Variants in KAZN observed in about 807,000 individuals in gnomAD.
KAZN encodes the protein kazrin, periplakin interacting protein, also known as kazrin.
Under a neutral mutation model 87.4 loss-of-function variants are expected in KAZN, and 40 were observed. The observed-to-expected ratio is 0.46, with a 90% confidence interval of 0.36 to 0.60. The LOEUF is 0.60. Ranked by LOEUF, KAZN falls within the 20% of genes least tolerant of loss-of-function variation. The pLI is 0.00. For synonymous variants in KAZN, 466 were observed against 458.3 expected (o/e 1.02, Z -0.22); for missense variants, 898 against 1,073.9 (o/e 0.84, Z 2.29).
intron 2 of KAZN, among the ~76,000 whole-genome samples, chr1:14,361,792 G>T (rs1432907173): frequency 2.6e-5 from 4 of 152,218 alleles, no homozygotes; most frequent in Non-Finnish European, 5.9e-5. Flanking sequence ...CTTCTGGATT[G>T]ATCTCACTGG....
chr1:14,304,027 T>C (rs949020988), intron 2 of KAZN, among the ~76,000 whole-genome samples: 1 of 152,192 alleles, frequency 6.6e-6, no homozygotes, highest in Admixed American at 6.5e-5. Flanking sequence ...GCTAAATAGC[T>C]CTTACCTTAC....
chr1:14,993,773 G>T lies in KAZN; in HGVS notation c.418+32898G>T, dbSNP rs149587930. 7.9e-3 allele frequency among the ~76,000 whole-genome samples: 1,197 copies of T among 152,252 alleles called. 21 individuals are homozygous for T. Among genetic ancestry groups the T allele is most frequent in the African/African-American group, 0.026 (1,090 of 41,562 alleles). On this transcript the variant is annotated intron_variant, in intron 2 of 14. Coordinates refer to ENST00000376030, the MANE Select transcript of KAZN (RefSeq NM_201628.3). ...GTGTTCGTTGAGTCTTATGAGAGAG[G>T]GGTCACAAGCCCACACGTAAGTAAT...
rs542201280 is a variant in KAZN at position 14,130,059 on chromosome 1, C to T, written c.92-50376C>T. 5.9e-5 allele frequency among the ~76,000 whole-genome samples: 9 copies of T among 152,356 alleles called. No individual in the cohort carries two copies. In the South Asian group the frequency reaches 1.7e-3, roughly 28 times the overall value. On this transcript the variant is annotated intron_variant, in intron 1 of 16. Transcript: ENST00000636203. ...AAGATTCAGAAACCCTAATCAATTA[C>T]ATTTTACAACAGTCAGTAAGTCTGT...
Position 14,055,799 on chromosome 1 carries a change from A to ACTCT in KAZN, c.92-124636_92-124635insCTCT. Among the ~76,000 whole-genome samples the ACTCT allele has an allele frequency of 2.6e-5, 4 of 152,320 alleles. 2 individuals carry two copies. The highest frequency in any genetic ancestry group is 9.6e-5 in the African/African-American group (4 of 41,550). ...GTCCACAGAGCAAAGGAAAATGAATATTATTGTTTACAACAGAAAAATCAG... is the reference window on the plus strand; with the variant it reads ...GTCCACAGAGCAAAGGAAAATGAATACTCTTTATTGTTTACAACAGAAAAATCAG... On this transcript the variant is annotated intron_variant, in intron 1 of 16. Transcript: ENST00000636203.
intron 2 of KAZN, among the ~76,000 whole-genome samples, chr1:15,019,578 AG>A: frequency 6.6e-6 from 1 of 152,158 alleles, no homozygotes; most frequent in South Asian, 2.1e-4. Context: ...TAGTAGAGAC[AG>A]GGTTTCGCCA....
Position 14,923,984 on chromosome 1 carries a change from G to C in KAZN, c.227-36700G>C, listed in dbSNP as rs573944710. Reference sequence around the variant, plus strand: ...GGGGATGCACCGAGTGGCGGGGGCCGGGCGCACAACGGGGCGACGCGGCGG... The same window carrying C: ...GGGGATGCACCGAGTGGCGGGGGCCCGGCGCACAACGGGGCGACGCGGCGG... On this transcript the variant is annotated intron_variant, in intron 1 of 14. Coordinates refer to ENST00000376030, the MANE Select transcript of KAZN (RefSeq NM_201628.3). The surrounding 1 kb of genome is among the most constrained non-coding windows in gnomAD (Gnocchi z 4.2). 1 of 366,750 alleles carries C rather than the reference G, an allele frequency of 2.7e-6. No individual in the cohort carries two copies. Among genetic ancestry groups the C allele is most frequent in the Non-Finnish European group, 3.8e-6 (1 of 264,846 alleles). 22.7% of individuals were successfully genotyped at this position (366,750 alleles called of 1,614,324 possible).
chr1:14,813,570 G>C (rs1557516668), intron 1 of KAZN, among the ~76,000 whole-genome samples: 1 of 152,150 alleles, frequency 6.6e-6, no homozygotes, highest in Admixed American at 6.5e-5. Flanking sequence ...GAGTCAAACT[G>C]TCCTCACCCA....
chr1:15,086,424 C>T (rs1212161814), intron 8 of KAZN, among the ~76,000 whole-genome samples: 1 of 152,162 alleles, frequency 6.6e-6, no homozygotes, highest in East Asian at 1.9e-4. Flanking sequence ...GTGTTCCCAG[C>T]AAAACCCTTT....
intron 2 of KAZN, among the ~76,000 whole-genome samples, chr1:14,353,506 A>T (rs1658735597): frequency 6.6e-6 from 1 of 152,160 alleles, no homozygotes; most frequent in African/African-American, 2.4e-5. Context: ...GGCGTGAGCC[A>T]CCGCGCCCGG....
At position 15,117,182 on chromosome 1, in the gene KAZN, A is replaced by G. The variant is rs1641871345; in HGVS notation, c.*2547A>G. ...AGACTTGGCAGAGAGACTCAAGCTG[A>G]TTGTCACAGGCTACAGAGGGGCCAG... On this transcript the variant is annotated 3_prime_UTR_variant, in exon 15 of 15. Coordinates refer to ENST00000376030, the MANE Select transcript of KAZN (RefSeq NM_201628.3). 1 of 152,244 alleles carries G rather than the reference A, an allele frequency of 6.6e-6. No homozygotes were observed. The highest frequency in any genetic ancestry group is 1.5e-5 in the Non-Finnish European group (1 of 68,080). 9.4% of individuals were successfully genotyped at this position (152,244 alleles called of 1,614,324 possible).
intron 1 of KAZN, among the ~76,000 whole-genome samples, chr1:14,750,599 T>TA (rs60001331): frequency 0.27 from 39,487 of 144,294 alleles, 5,445 homozygotes; most frequent in African/African-American, 0.37. Context: ...GTTTCTTTTC[T>TA]AAAAAAAAAA....
At chr1:14,068,553 AC>A (rs1643109895) in intron 1 of KAZN, among the ~76,000 whole-genome samples, 1 of 152,070 alleles carries the variant, frequency 6.6e-6, no homozygotes, top group Non-Finnish European at 1.5e-5. Context: ...AGGCCAGAAA[AC>A]CATTGGCCTA....
At chr1:14,261,118 T>C (rs983424124) in intron 2 of KAZN, among the ~76,000 whole-genome samples, 1 of 152,206 alleles carries the variant, frequency 6.6e-6, no homozygotes, top group Non-Finnish European at 1.5e-5. Flanking sequence ...AAGGATCAGT[T>C]CTAAAGCTGT....
At chr1:15,025,925 C>T (rs1671115362) in intron 2 of KAZN, among the ~76,000 whole-genome samples, 1 of 152,138 alleles carries the variant, frequency 6.6e-6, no homozygotes, top group African/African-American at 2.4e-5. Flanking sequence ...GAGTTCAAGA[C>T]CTGAGCACCA....
At chr1:15,107,718 G>A (rs544748611) in intron 13 of KAZN, among the ~76,000 whole-genome samples, 131 of 152,244 alleles carry the variant, frequency 8.6e-4, no homozygotes, top group African/African-American at 3.1e-3. Flanking sequence ...CACCACCGCT[G>A]CCTCCCATTC....
chr1:13,907,910 GA>G (rs1286970582), intron 1 of KAZN, among the ~76,000 whole-genome samples: 3 of 152,316 alleles, frequency 2.0e-5, no homozygotes, highest in Middle Eastern at 6.8e-3. Context: ...GAGAAAAAGA[GA>G]ATGTGCTTGT....
At chr1:14,453,084 T>C (rs559592461) in intron 2 of KAZN, among the ~76,000 whole-genome samples, 1 of 152,162 alleles carries the variant, frequency 6.6e-6, no homozygotes, top group African/African-American at 2.4e-5. Flanking sequence ...GCCTCCCAAG[T>C]AGCTGGGACT....
chr1:14,730,344 AGTGCTGGGATTACAGGCGTGAGCCACC>A (rs1643622784), intron 1 of KAZN, among the ~76,000 whole-genome samples: 1 of 152,138 alleles, frequency 6.6e-6, no homozygotes, highest in Non-Finnish European at 1.5e-5. Context: ...GGCTTCCCAA[AGTGCTGGGATTACAGGCGTGAGCCACC>A]GTGCCCGGCC....
intron 2 of KAZN, among the ~76,000 whole-genome samples, chr1:14,533,782 A>T (rs1672336668): frequency 6.6e-6 from 1 of 152,138 alleles, no homozygotes; most frequent in East Asian, 1.9e-4. Flanking sequence ...TTGATAAATG[A>T]CTCTGGTATA....
Sources: allele counts gnomAD v4.1 joint callset (sites outside exome capture counted in the v4.1 genomes callset), GRCh38; gene constraint gnomAD v4.1.1; non-coding constraint Gnocchi (gnomAD v3.1); transcripts MANE v1.5; gene names NCBI Gene and HGNC (gene_info 2026-07-23, HGNC 2026-07-21).